The following PACS2 variants were observed in gnomAD, a reference collection of about 807,000 sequenced individuals.
PACS2 encodes the protein PACS1-like protein.
A neutral mutation model predicts 113.0 loss-of-function variants in PACS2; 36 were observed. The observed-to-expected ratio is 0.32, with a 90% CI of 0.24 to 0.42. The LOEUF (loss-of-function observed/expected upper bound fraction) is 0.42. PACS2 is among the 10% of genes least tolerant of loss of function. The pLI is 1.00. For missense variants in PACS2, 1,015 were observed against 1,239.5 expected (o/e 0.82, Z 2.72); for synonymous variants, 589 against 536.1 (o/e 1.10, Z -1.36).
chr14:105,370,105 A>T (rs1419092854), intron 8 of PACS2: 1 of 552,976 alleles, frequency 1.8e-6, no homozygotes, highest in Non-Finnish European at 3.2e-6. Flanking sequence ...TCTCTGCTGA[A>T]GTAGAAGTCG....
In PACS2 at chr14:105,393,205, C is replaced by T; in HGVS notation, c.2483-17C>T. The T allele has an allele frequency of 1.3e-6, 2 of 1,592,710 alleles. No homozygotes were observed. Among genetic ancestry groups the T allele is most frequent in the Non-Finnish European group, 1.7e-6 (2 of 1,161,646 alleles). Reference sequence around the variant, plus strand: ...AGGAGCAGCAAGATGACAGCAGGGCCTCTTTTCTCCTCCCAGTGATGTTTC... The same window carrying T: ...AGGAGCAGCAAGATGACAGCAGGGCTTCTTTTCTCCTCCCAGTGATGTTTC... On this transcript the variant is annotated splice_polypyrimidine_tract_variant and intron_variant, in intron 23 of 24. Coordinates refer to ENST00000447393, the MANE Select transcript of PACS2 (RefSeq NM_001100913.3).
chr14:105,364,818 C>T (rs2060888104), intron 4 of PACS2, among the ~76,000 whole-genome samples: 1 of 151,356 alleles, frequency 6.6e-6, no homozygotes, highest in Admixed American at 6.6e-5. Context: ...CACCTCAGTC[C>T]TCAAGTAGCT....
At chr14:105,314,262 G>C (rs2058447462), upstream of PACS2, among the ~76,000 whole-genome samples, 1 of 152,078 alleles carries the variant, frequency 6.6e-6, no homozygotes, top group African/African-American at 2.4e-5. Context: ...GAGACAAGGG[G>C]CGGCGAGGGC....
chr14:105,394,004 C>G (rs1450097715), intron 24 of PACS2, among the ~76,000 whole-genome samples: 5 of 148,116 alleles, frequency 3.4e-5, no homozygotes, highest in African/African-American at 1.3e-4. Context: ...CGCCACTGCA[C>G]TCCAGCCTGG....
chr14:105,383,739 A>G (rs1161681308), intron 16 of PACS2: 1 of 536,356 alleles, frequency 1.9e-6, no homozygotes, highest in Admixed American at 3.7e-5. Context: ...ATTATATGCA[A>G]GATAACTTGA....
chr14:105,320,763 A>G (rs906348636), intron 1 of PACS2, among the ~76,000 whole-genome samples: 2 of 152,246 alleles, frequency 1.3e-5, no homozygotes, highest in East Asian at 1.9e-4. Context: ...TCCTTGTGAA[A>G]TGAAATGAGT....
chr14:105,357,624 C>T lies in PACS2; in HGVS notation c.423+2447C>T, dbSNP rs1393091073. ...TTTGGGGCTGGTTCCCACCTGTGAG[C>T]GTTGCTGGCTTGTTGAGAGTATGAG... On this transcript the variant is annotated intron_variant, in intron 4 of 24. Transcript: ENST00000447393. This position sits in a 1 kb window ranked among gnomAD's most constrained non-coding sequence, Gnocchi z 5.1. Among the ~76,000 whole-genome samples, 8 of 152,252 alleles carry T rather than the reference C, an allele frequency of 5.3e-5. No individual in the cohort carries two copies. The highest frequency in any genetic ancestry group is 1.4e-4 in the African/African-American group (6 of 41,548).
intron 2 of PACS2, among the ~76,000 whole-genome samples, chr14:105,349,793 C>A (rs2060085701): frequency 6.6e-6 from 1 of 152,260 alleles, no homozygotes; most frequent in Admixed American, 6.5e-5. Context: ...CCAGGAACTT[C>A]CAGGAGCGTG....
At chr14:105,368,625 G>T (rs376623666) in intron 7 of PACS2, 86 bp downstream of exon 7, 6 of 1,021,932 alleles carry the variant, frequency 5.9e-6, no homozygotes, top group South Asian at 3.9e-5. Context: ...GGACACGGGC[G>T]TGGGAAGTGA....
Position 105,348,380 on chromosome 14 carries a change from C to T in PACS2, c.120-113C>T, listed in dbSNP as rs587675918. The T allele has an allele frequency of 1.1e-5, 8 of 737,172 alleles. No individual in the cohort carries two copies. The highest frequency in any genetic ancestry group is 6.7e-5 in the South Asian group (4 of 59,968). The allele number at this position is 737,172 out of a possible 1,614,324, so 45.7% of individuals were successfully genotyped here. A position where few individuals can be genotyped will look rare whatever the true frequency, so the allele number is the denominator to read the frequency against. Reference sequence around the variant, plus strand: ...TGGGGCCGCCCAGGCAGTCACACCCCGCCCTGCACCCCAGGGTGCAGGCTC... The same window carrying T: ...TGGGGCCGCCCAGGCAGTCACACCCTGCCCTGCACCCCAGGGTGCAGGCTC... On this transcript the variant is annotated intron_variant, in intron 1 of 24. Coordinates refer to ENST00000447393, the MANE Select transcript of PACS2 (RefSeq NM_001100913.3). This position sits in a 1 kb window ranked among gnomAD's most constrained non-coding sequence, Gnocchi z 6.4.
intron 1 of PACS2, among the ~76,000 whole-genome samples, chr14:105,316,621 C>T (rs1395769661): frequency 6.6e-6 from 1 of 152,220 alleles, no homozygotes; most frequent in East Asian, 1.9e-4. Context: ...CAGGAGGGGC[C>T]GGGGGCCTTA....
intron 1 of PACS2, among the ~76,000 whole-genome samples, chr14:105,316,360 G>A (rs2058630420): frequency 6.6e-6 from 1 of 152,236 alleles, no homozygotes; most frequent in Non-Finnish European, 1.5e-5. Context: ...CCCCAGGCCT[G>A]GCTGCTTCTC....
rs1257066829 is a variant in PACS2, at chr14:105,323,853, CG to C, written c.119+8818del. 6.6e-6 allele frequency among the ~76,000 whole-genome samples: 1 copy of C among 152,214 alleles called. No individual in the cohort carries two copies. The highest frequency in any genetic ancestry group is 1.5e-5 in the Non-Finnish European group (1 of 68,042). On this transcript the variant is annotated intron_variant, in intron 1 of 24. Transcript: ENST00000447393. The surrounding 1 kb of genome is among the most constrained non-coding windows in gnomAD (Gnocchi z 4.1). ...GAGCTGGGGCCAAGGGGCAGCAGGA[CG>C]GTGCCCGTAGCCCTGGAGGCCTTGG...
At chr14:105,310,269 G>A (rs892151757), upstream of PACS2, among the ~76,000 whole-genome samples, 2 of 150,650 alleles carry the variant, frequency 1.3e-5, no homozygotes, top group African/African-American at 4.9e-5. Flanking sequence ...AGTGGCTCAC[G>A]CCTGTAATCC....
chr14:105,385,230 G>A (rs192746285), intron 18 of PACS2, among the ~76,000 whole-genome samples: 65 of 152,360 alleles, frequency 4.3e-4, no homozygotes, highest in African/African-American at 1.5e-3. Flanking sequence ...GAAACCCCGC[G>A]TGATAAGAAG....
chr14:105,384,922 C>T lies in PACS2; in HGVS notation c.1935C>T (p.Ile645=), dbSNP rs977171001. The T allele has an allele frequency of 1.7e-5, 28 of 1,601,956 alleles. No individual in the cohort carries two copies. The highest frequency in any genetic ancestry group is 4.5e-5 in the East Asian group (2 of 44,440). ...TTGTGTCACGCATCACGCAGTACATCGCAGGGGCCAACTGTGCCCACCAGC... is the reference window on the plus strand; with the variant it reads ...TTGTGTCACGCATCACGCAGTACATTGCAGGGGCCAACTGTGCCCACCAGC... ...PDIVSRITQY[I]AGANCAHQLP... Residue 645 remains isoleucine, a synonymous_variant, in exon 18 of 25, where the codon ATC becomes ATT. Transcript: ENST00000447393.
intron 2 of PACS2, among the ~76,000 whole-genome samples, chr14:105,350,685 G>A (rs587674116): frequency 1.4e-4 from 22 of 152,326 alleles, no homozygotes; most frequent in African/African-American, 4.6e-4. Context: ...CTTCTCTGGC[G>A]TGCACCTTCG....
intron 9 of PACS2, among the ~76,000 whole-genome samples, chr14:105,378,554 C>T (rs184226351): frequency 8.5e-5 from 13 of 152,348 alleles, no homozygotes; most frequent in Non-Finnish European, 1.5e-4. Flanking sequence ...AGACCAATGG[C>T]GTGCGCCACC....
Position 105,352,446 on chromosome 14 carries a change from G to A in PACS2, c.276G>A (p.Leu92=). ...LPPSGQVETD[L]ALTFSLQYPH... is the part of the protein sequence containing the mutation. The stretch of plus-strand genomic sequence containing the variant: ...CCAGTGGACAAGTGGAGACAGACCT[G>A]GCCCTGACCTTCTCCTTGCAGGTGA... The change falls in exon 3 of 25, where the codon CTG becomes CTA. Residue 92 remains leucine, a synonymous_variant. Coordinates refer to ENST00000447393, the MANE Select transcript of PACS2 (RefSeq NM_001100913.3). 6.2e-7 allele frequency: 1 copy of A among 1,609,640 alleles called. No individual in the cohort carries two copies. Among genetic ancestry groups the A allele is most frequent in the Non-Finnish European group, 8.5e-7 (1 of 1,176,208 alleles).
Sources: gnomAD v4.1 joint callset for allele counts (sites outside exome capture counted in the v4.1 genomes callset) on GRCh38, gnomAD v4.1.1 for gene constraint, Gnocchi (gnomAD v3.1) non-coding constraint, MANE v1.5 for transcripts, NCBI Gene and HGNC (gene_info 2026-07-23, HGNC 2026-07-21) for gene names.